Variants in TMEM8B observed in about 807,000 individuals in gnomAD.
TMEM8B encodes nasopharyngeal carcinoma expressed 6.
In TMEM8B, 29 loss-of-function variants were observed where a neutral mutation model predicts 49.3. The ratio of observed to expected loss-of-function variants is 0.59; its 90% CI spans 0.44 to 0.80. TMEM8B has a LOEUF of 0.80. TMEM8B is among the 30% of genes least tolerant of loss of function. The pLI is 0.00. For missense variants in TMEM8B, 575 were observed against 658.5 expected (o/e 0.87, Z 1.39); for synonymous variants, 264 against 272.8 (o/e 0.97, Z 0.32).
At position 35,846,339 on chromosome 9, in the gene TMEM8B, C is replaced by G. The variant is rs1402357216; in HGVS notation, c.1811C>G (p.Thr604Ser). The change falls in exon 8 of 13, where the codon ACC (threonine) becomes AGC (serine). Residue 604 changes from threonine to serine, a missense_variant. Coordinates refer to ENST00000643932, the MANE Select transcript of TMEM8B (RefSeq NM_001042590.4). ...RLRIPFPQTGTWFLALRSLCG... is the reference protein window; with the variant it reads ...RLRIPFPQTGSWFLALRSLCG... Reference sequence around the variant, plus strand: ...CGAATCCCATTCCCGCAGACGGGGACCTGGTTCCTGGCCCTCCGCTCCCTG... The same window carrying G: ...CGAATCCCATTCCCGCAGACGGGGAGCTGGTTCCTGGCCCTCCGCTCCCTG... 1.9e-6 allele frequency: 3 copies of G among 1,613,998 alleles called. No homozygotes were observed. The African/African-American group carries it at 4.0e-5, about 22-fold the overall frequency.
Position 35,829,427 on chromosome 9 carries a change from G to A in TMEM8B, c.-21G>A, listed in dbSNP as rs1359670303. On this transcript the variant is annotated 5_prime_UTR_variant, in exon 1 of 13. Transcript: ENST00000643932. ...CGAGCGCCCCGCGCTGGCCTGTCCG[G>A]CCCCGCCCCCGCCCCGGGCCATGGC... 5 of 342,550 alleles carry A rather than the reference G, an allele frequency of 1.5e-5. No individual in the cohort carries two copies. Among genetic ancestry groups the A allele is most frequent in the Non-Finnish European group, 2.6e-5 (5 of 191,822 alleles). 21.2% of individuals were successfully genotyped at this position (342,550 alleles called of 1,614,324 possible). A position where few individuals can be genotyped will look rare whatever the true frequency, so the allele number is the denominator to read the frequency against.
At position 35,853,796 on chromosome 9, in the gene TMEM8B, G is replaced by C; in HGVS notation, c.2731G>C (p.Val911Leu). The change falls in exon 13 of 13, where the codon GTG (valine) becomes CTG (leucine). Residue 911 changes from valine (V) to leucine (L), a missense_variant. Coordinates refer to ENST00000643932, the MANE Select transcript of TMEM8B (RefSeq NM_001042590.4). The surrounding 1 kb of genome is among the most constrained non-coding windows in gnomAD (Gnocchi z 4.2). ...CINEQEELGLVGPGGATVSSI... is the reference protein window; with the variant it reads ...CINEQEELGLLGPGGATVSSI... ...CAACGAGCAGGAGGAGCTGGGCCTC[G>C]TGGGCCCAGGAGGGGCCACTGTCAG... The C allele has an allele frequency of 6.3e-7, 1 of 1,578,520 alleles. No homozygotes were observed. Among genetic ancestry groups the C allele is most frequent in the Non-Finnish European group, 8.6e-7 (1 of 1,162,206 alleles).
chr9:35,832,168 G>GT (rs1554679492), intron 1 of TMEM8B, among the ~76,000 whole-genome samples: 2 of 146,846 alleles, frequency 1.4e-5, no homozygotes, highest in East Asian at 2.0e-4. Context: ...TAGGTGTAGG[G>GT]GTGTGTGTGT....
In TMEM8B at chr9:35,859,003, C is replaced by T. The variant is rs1025235981; in HGVS notation, c.*5163C>T. 6.5e-6 allele frequency: 1 copy of T among 152,716 alleles called. No individual in the cohort carries two copies. Among genetic ancestry groups the T allele is most frequent in the African/African-American group, 2.4e-5 (1 of 41,432 alleles). The allele number at this position is 152,716 out of a possible 1,614,324, so 9.5% of individuals were successfully genotyped here. On this transcript the variant is annotated 3_prime_UTR_variant, in exon 13 of 13. Transcript: ENST00000643932. ...GTTTGAGGTCATGACCACAGCACAA[C>T]CTAGCCTATGCCAGCTGACAGGGGC...
In TMEM8B at chr9:35,853,030, T is replaced by C; in HGVS notation, c.2322+57T>C. ...ATGGCCAAGTCTCCTTGAAATCCACTCCTGACCTCTCCCTGGGGGCATTTC... is the reference window on the plus strand; with the variant it reads ...ATGGCCAAGTCTCCTTGAAATCCACCCCTGACCTCTCCCTGGGGGCATTTC... On this transcript the variant is annotated intron_variant, in intron 11 of 12. Coordinates refer to ENST00000643932, the MANE Select transcript of TMEM8B (RefSeq NM_001042590.4). This position sits in a 1 kb window ranked among gnomAD's most constrained non-coding sequence, Gnocchi z 4.2. 6.2e-7 allele frequency: 1 copy of C among 1,612,208 alleles called. No individual in the cohort carries two copies. Among genetic ancestry groups the C allele is most frequent in the South Asian group, 1.1e-5 (1 of 90,978 alleles).
In TMEM8B at chr9:35,854,317, TGGA is replaced by T. The variant is rs1832413332; in HGVS notation, c.*483_*485del. 6.5e-6 allele frequency: 1 copy of T among 154,894 alleles called. No homozygotes were observed. Among genetic ancestry groups the T allele is most frequent in the South Asian group, 2.1e-4 (1 of 4,836 alleles). 9.6% of individuals were successfully genotyped at this position (154,894 alleles called of 1,614,324 possible). A position where few individuals can be genotyped will look rare whatever the true frequency, so the allele number is the denominator to read the frequency against. On this transcript the variant is annotated 3_prime_UTR_variant, in exon 13 of 13. Transcript: ENST00000643932. ...GCAGCGTCTGGGCTGTGCTGTGCTG[TGGA>T]GGAGGGATTGCAGGATGGATGGAGC...
Position 35,854,156 on chromosome 9 carries a change from A to G in TMEM8B, c.*316A>G, listed in dbSNP as rs558569531. The G allele has an allele frequency of 6.5e-5, 33 of 506,560 alleles. No individual in the cohort carries two copies. The highest frequency in any genetic ancestry group is 5.6e-4 in the African/African-American group (28 of 50,272). The allele number at this position is 506,560 out of a possible 1,614,324, so 31.4% of individuals were successfully genotyped here. Reference sequence around the variant, plus strand: ...GATGCAGAGCCTTCCCAAGACATGGATTCCTTCCCAGGGAGACAAAGCCCT... The same window carrying G: ...GATGCAGAGCCTTCCCAAGACATGGGTTCCTTCCCAGGGAGACAAAGCCCT... On this transcript the variant is annotated 3_prime_UTR_variant, in exon 13 of 13. Coordinates refer to ENST00000643932, the MANE Select transcript of TMEM8B (RefSeq NM_001042590.4).
At chr9:35,843,190 AATCT>A (rs1182222635) in intron 6 of TMEM8B, among the ~76,000 whole-genome samples, 6 of 152,230 alleles carry the variant, frequency 3.9e-5, no homozygotes, top group Non-Finnish European at 7.4e-5. Flanking sequence ...ATTTCCAGTA[AATCT>A]ATCTCTGTCC....
At chr9:35,838,214 A>T (rs1290666268) in intron 3 of TMEM8B, among the ~76,000 whole-genome samples, 2 of 152,204 alleles carry the variant, frequency 1.3e-5, no homozygotes, top group Non-Finnish European at 2.9e-5. Flanking sequence ...CAAAAGGTAC[A>T]AAAGATATAC....
chr9:35,834,069 C>CA (rs1554680007), intron 1 of TMEM8B, among the ~76,000 whole-genome samples: 20 of 151,020 alleles, frequency 1.3e-4, no homozygotes, highest in African/African-American at 4.7e-4. Flanking sequence ...CACACACACA[C>CA]ACCTTCCACA....
Position 35,856,988 on chromosome 9 carries a change from A to G in TMEM8B, c.*3148A>G, listed in dbSNP as rs1215472121. ...CCTTGGTTGTCTCCTGACTTGTCTC[A>G]GTGGGGGAGATCCCAAGATTCAAAC... On this transcript the variant is annotated 3_prime_UTR_variant, in exon 13 of 13. Transcript: ENST00000643932. 1 of 152,238 alleles carries G rather than the reference A, an allele frequency of 6.6e-6. No individual in the cohort carries two copies. The highest frequency in any genetic ancestry group is 1.5e-5 in the Non-Finnish European group (1 of 68,054). 9.4% of individuals were successfully genotyped at this position (152,238 alleles called of 1,614,324 possible). A position where few individuals can be genotyped will look rare whatever the true frequency, so the allele number is the denominator to read the frequency against.
chr9:35,830,658 T>G (rs1829783655), intron 1 of TMEM8B, among the ~76,000 whole-genome samples: 1 of 151,736 alleles, frequency 6.6e-6, no homozygotes, highest in Admixed American at 6.6e-5. Context: ...CTAGTGTGTT[T>G]TTTTTTATCC....
rs1832715786 is a variant in TMEM8B, at chr9:35,865,107, G to C, written c.*11267G>C. ...GCCTGCCCCAGGAGGGCCCTGCTGA[G>C]GTGAAGTGGGCATAGGAGAGAGAGT... On this transcript the variant is annotated 3_prime_UTR_variant, in exon 13 of 13. Coordinates refer to ENST00000643932, the MANE Select transcript of TMEM8B (RefSeq NM_001042590.4). 1 of 152,248 alleles carries C rather than the reference G, an allele frequency of 6.6e-6. No individual in the cohort carries two copies. Among genetic ancestry groups the C allele is most frequent in the African/African-American group, 2.4e-5 (1 of 41,450 alleles). 9.4% of individuals were successfully genotyped at this position (152,248 alleles called of 1,614,324 possible).
rs1193736411 is a variant in TMEM8B at position 35,862,497 on chromosome 9, G to A, written c.*8657G>A. 2 of 152,322 alleles carry A rather than the reference G, an allele frequency of 1.3e-5. No homozygotes were observed. The highest frequency in any genetic ancestry group is 4.8e-5 in the African/African-American group (2 of 41,464). The allele number at this position is 152,322 out of a possible 1,614,324, so 9.4% of individuals were successfully genotyped here. A position where few individuals can be genotyped will look rare whatever the true frequency, so the allele number is the denominator to read the frequency against. ...CTCACACCTCTAACAGTAAGACCAA[G>A]TGGGCCTGGCGGAGGCATTTGAGGG... On this transcript the variant is annotated 3_prime_UTR_variant, in exon 13 of 13. Coordinates refer to ENST00000643932, the MANE Select transcript of TMEM8B (RefSeq NM_001042590.4).
intron 10 of TMEM8B, among the ~76,000 whole-genome samples, chr9:35,848,730 A>G (rs955559990): frequency 1.4e-5 from 2 of 142,196 alleles, no homozygotes; most frequent in Non-Finnish European, 3.0e-5. Context: ...GCTGGAGTGC[A>G]GTGGCGCGAT....
Position 35,839,081 on chromosome 9 carries a change from G to T in TMEM8B, c.907-2053G>T, listed in dbSNP as rs544018200. Among the ~76,000 whole-genome samples, 6 of 152,344 alleles carry T rather than the reference G, an allele frequency of 3.9e-5. No homozygotes were observed. In the South Asian group the frequency reaches 1.2e-3, roughly 32 times the overall value. On this transcript the variant is annotated intron_variant, in intron 3 of 12. Transcript: ENST00000643932. Reference sequence around the variant, plus strand: ...TGGGCATGGGCTCAGCTGTGCACTTGCTATTCCCGCAGAGAAGGCTAAGTG... The same window carrying T: ...TGGGCATGGGCTCAGCTGTGCACTTTCTATTCCCGCAGAGAAGGCTAAGTG...
chr9:35,854,912 A>T lies in TMEM8B; in HGVS notation c.*1072A>T, dbSNP rs984451262. ...GATTCCTTCTCTTTCCATGAGGGTCATAGCTGAGTTCTGAGGGTCTTACAT... is the reference window on the plus strand; with the variant it reads ...GATTCCTTCTCTTTCCATGAGGGTCTTAGCTGAGTTCTGAGGGTCTTACAT... On this transcript the variant is annotated 3_prime_UTR_variant, in exon 13 of 13. Coordinates refer to ENST00000643932, the MANE Select transcript of TMEM8B (RefSeq NM_001042590.4). 5 of 152,228 alleles carry T rather than the reference A, an allele frequency of 3.3e-5. No homozygotes were observed. The highest frequency in any genetic ancestry group is 5.9e-5 in the Non-Finnish European group (4 of 68,056). The allele number at this position is 152,228 out of a possible 1,614,324, so 9.4% of individuals were successfully genotyped here. A position where few individuals can be genotyped will look rare whatever the true frequency, so the allele number is the denominator to read the frequency against.
chr9:35,846,435 C>A, intron 8 of TMEM8B, 34 bp from the exon 9 acceptor site: 1 of 1,597,932 alleles, frequency 6.3e-7, no homozygotes, highest in Non-Finnish European at 8.5e-7. Context: ...CGGGGGTGGC[C>A]CGGGGCCCCA....
At chr9:35,847,351 G>A (rs1481052309) in intron 10 of TMEM8B, 1 of 604,602 alleles carries the variant, frequency 1.7e-6, no homozygotes, top group Non-Finnish European at 2.9e-6. Context: ...TTCTCTGTAT[G>A]GGGGCAGGAA....
Sources: gnomAD v4.1 joint callset for allele counts (sites outside exome capture counted in the v4.1 genomes callset) on GRCh38, gnomAD v4.1.1 for gene constraint, Gnocchi (gnomAD v3.1) non-coding constraint, MANE v1.5 for transcripts, NCBI Gene and HGNC (gene_info 2026-07-23, HGNC 2026-07-21) for gene names.